The following ENPP1 variants were observed in gnomAD, a reference collection of about 807,000 sequenced individuals.
ENPP1 encodes ectonucleotide pyrophosphatase/phosphodiesterase family member 1.
A neutral mutation model predicts 122.8 loss-of-function variants in ENPP1; 73 were observed. The observed-to-expected ratio is 0.59, with a 90% confidence interval of 0.49 to 0.72. ENPP1 has a LOEUF of 0.72. Ranked by LOEUF, ENPP1 falls within the 30% of genes least tolerant of loss-of-function variation. The pLI is 0.00. For missense variants in ENPP1, 978 were observed against 1,128.1 expected, an observed-to-expected ratio of 0.87 and a Z score of 1.91; for synonymous variants, 367 against 391.6, an observed-to-expected ratio of 0.94 and a Z score of 0.74.
At chr6:131,888,405 CACT>C (rs943522206) in intron 24 of ENPP1, among the ~76,000 whole-genome samples, 1 of 152,054 alleles carries the variant, frequency 6.6e-6, no homozygotes, top group Non-Finnish European at 1.5e-5. Context: ...CTCATTCATT[CACT>C]ACTACTTTGA....
At chr6:131,871,592 A>T (rs1397622022) in intron 13 of ENPP1, among the ~76,000 whole-genome samples, 1 of 152,222 alleles carries the variant, frequency 6.6e-6, no homozygotes, top group Non-Finnish European at 1.5e-5. Context: ...TTGAATAATT[A>T]TTTTTGTTGT....
intron 1 of ENPP1, among the ~76,000 whole-genome samples, chr6:131,814,425 A>C (rs1446676638): frequency 6.6e-6 from 1 of 152,192 alleles, no homozygotes; most frequent in African/African-American, 2.4e-5. Context: ...ACCAAGGCAA[A>C]ATTAATGTAA....
chr6:131,890,374 T>TTGTTAA lies in ENPP1; in HGVS notation c.2647_2652dup (p.Met883_Leu884dup). The TTGTTAA allele has an allele frequency of 6.2e-7, 1 of 1,614,056 alleles. No individual in the cohort carries two copies. The highest frequency in any genetic ancestry group is 8.5e-7 in the Non-Finnish European group (1 of 1,179,896). ...GCATGACTCCTCATGGGTTGAAGAA[T>TTGTTAA]TGTTAATGTTACACAGAGCACGGAT... On this transcript the variant is annotated inframe_insertion, in exon 25 of 25. Transcript: ENST00000647893.
At position 131,872,916 on chromosome 6, in the gene ENPP1, A is replaced by G. The variant is rs371096780; in HGVS notation, c.1438-7A>G. 2.5e-6 allele frequency: 4 copies of G among 1,613,356 alleles called. No homozygotes were observed. In the African/African-American group the frequency reaches 4.0e-5, roughly 16 times the overall value. ...TAATAGTTTTTCTTTGCTGTTTGCAATTTCAGTGCCGGGAACCAAACCAGC... is the reference window on the plus strand; with the variant it reads ...TAATAGTTTTTCTTTGCTGTTTGCAGTTTCAGTGCCGGGAACCAAACCAGC... On this transcript the variant is annotated splice_polypyrimidine_tract_variant and splice_region_variant and intron_variant, in intron 14 of 24. Transcript: ENST00000647893.
chr6:131,816,998 C>T (rs72983650), intron 1 of ENPP1, among the ~76,000 whole-genome samples: 15,496 of 152,160 alleles, frequency 0.1, 1,057 homozygotes, highest in African/African-American at 0.19. Flanking sequence ...GCTCCAATCT[C>T]AGTGATTATG....
chr6:131,840,245 G>A (rs1781723644), intron 1 of ENPP1, among the ~76,000 whole-genome samples: 1 of 152,198 alleles, frequency 6.6e-6, no homozygotes, highest in Non-Finnish European at 1.5e-5. Context: ...TAACTAAAAT[G>A]TCTAGTGCCA....
intron 24 of ENPP1, among the ~76,000 whole-genome samples, chr6:131,887,644 C>A (rs1007645740): frequency 2.0e-5 from 3 of 148,944 alleles, no homozygotes; most frequent in Admixed American, 6.7e-5. Flanking sequence ...CTGCAAGCTC[C>A]GCCTTCTGGG....
intron 16 of ENPP1, among the ~76,000 whole-genome samples, chr6:131,874,611 C>T (rs1167638865): frequency 6.6e-6 from 1 of 152,050 alleles, no homozygotes; most frequent in East Asian, 1.9e-4. Flanking sequence ...TTAGTACAAC[C>T]TCTATGGATC....
At chr6:131,845,879 G>A (rs1309775390) in intron 1 of ENPP1, among the ~76,000 whole-genome samples, 1 of 152,074 alleles carries the variant, frequency 6.6e-6, no homozygotes, top group African/African-American at 2.4e-5. Context: ...ACTTGCTCAA[G>A]CTCTTCCTCT....
At chr6:131,830,224 A>G (rs1781594026) in intron 1 of ENPP1, among the ~76,000 whole-genome samples, 1 of 152,126 alleles carries the variant, frequency 6.6e-6, no homozygotes, top group Non-Finnish European at 1.5e-5. Flanking sequence ...GCAAGAAAGT[A>G]GGGCTGTGCA....
chr6:131,842,955 A>T (rs372725972), intron 1 of ENPP1, among the ~76,000 whole-genome samples: 4 of 152,326 alleles, frequency 2.6e-5, no homozygotes, highest in Admixed American at 6.5e-5. Context: ...AGTTAACTAA[A>T]GAAGCAGGAA....
chr6:131,858,606 T>C, intron 6 of ENPP1, 62 bp from the exon 7 acceptor site: 1 of 1,092,754 alleles, frequency 9.2e-7, no homozygotes, highest in Non-Finnish European at 1.4e-6. Context: ...GTACCACTGC[T>C]AAATGAGGTA....
chr6:131,839,542 G>T (rs1241153148), intron 1 of ENPP1, among the ~76,000 whole-genome samples: 1 of 152,154 alleles, frequency 6.6e-6, no homozygotes, highest in Non-Finnish European at 1.5e-5. Flanking sequence ...TTTACTCTGG[G>T]TCACTAATAC....
At chr6:131,882,739 T>A (rs766132067) in intron 21 of ENPP1, among the ~76,000 whole-genome samples, 1 of 150,626 alleles carries the variant, frequency 6.6e-6, no homozygotes, top group Non-Finnish European at 1.5e-5. Flanking sequence ...GGGAAAAATT[T>A]TAATCATCTA....
chr6:131,874,490 T>A (rs979051725), intron 16 of ENPP1, among the ~76,000 whole-genome samples, 153 bp downstream of exon 16: 1 of 152,090 alleles, frequency 6.6e-6, no homozygotes, highest in Admixed American at 6.6e-5. Flanking sequence ...CATTAAAGAA[T>A]TTTGTTAAAG....
At chr6:131,867,826 C>A (rs1033423216) in intron 11 of ENPP1, among the ~76,000 whole-genome samples, 192 bp from the exon 12 acceptor site, 4 of 152,116 alleles carry the variant, frequency 2.6e-5, no homozygotes, top group Non-Finnish European at 4.4e-5. Flanking sequence ...GTATCTCTGA[C>A]CCTGACCTGT....
chr6:131,881,879 C>T (rs1165910637), intron 20 of ENPP1, among the ~76,000 whole-genome samples: 4 of 151,960 alleles, frequency 2.6e-5, no homozygotes, highest in Admixed American at 2.0e-4. Context: ...ATTAGCCAGG[C>T]GTGGTGGCAG....
chr6:131,827,345 G>A (rs1054800456), intron 1 of ENPP1: 30 of 1,184,804 alleles, frequency 2.5e-5, no homozygotes, highest in Non-Finnish European at 3.7e-5. Context: ...TGACATCAGG[G>A]ATGTCACTAT....
rs1279532926 is a variant in ENPP1 at position 131,872,910 on chromosome 6, T to G, written c.1438-13T>G. On this transcript the variant is annotated splice_polypyrimidine_tract_variant and intron_variant, in intron 14 of 24. Transcript: ENST00000647893. The stretch of plus-strand genomic sequence containing the variant: ...GGGAAATAATAGTTTTTCTTTGCTG[T>G]TTGCAATTTCAGTGCCGGGAACCAA... 6 of 1,613,352 alleles carry G rather than the reference T, an allele frequency of 3.7e-6. No individual in the cohort carries two copies. Among genetic ancestry groups the G allele is most frequent in the Non-Finnish European group, 5.1e-6 (6 of 1,179,522 alleles).
Sources: allele counts gnomAD v4.1 joint callset (sites outside exome capture counted in the v4.1 genomes callset), GRCh38; gene constraint gnomAD v4.1.1; transcripts MANE v1.5; gene names NCBI Gene and HGNC (gene_info 2026-07-23, HGNC 2026-07-21).